The following CLASP1 variants were observed in gnomAD, a reference collection of about 807,000 sequenced individuals.
The protein encoded by CLASP1 is cytoplasmic linker associated protein 1.
CLASP1 carries 38 observed loss-of-function variants against 192.3 expected under a neutral mutation model. The ratio of observed to expected loss-of-function variants is 0.20; its 90% CI spans 0.15 to 0.26. CLASP1 has a LOEUF of 0.26. Among genes scored for constraint, CLASP1 ranks in the 10% least tolerant of loss-of-function variants. The pLI is 1.00. For missense variants in CLASP1, 1,433 were observed against 1,932.5 expected, an observed-to-expected ratio of 0.74 and a Z score of 4.85; for synonymous variants, 691 against 712.8, an observed-to-expected ratio of 0.97 and a Z score of 0.49.
chr2:121,535,877 G>A (rs1379216271), intron 2 of CLASP1, among the ~76,000 whole-genome samples: 1 of 151,874 alleles, frequency 6.6e-6, no homozygotes, highest in African/African-American at 2.4e-5. Flanking sequence ...GCCCAGGCTG[G>A]TCTTGAACTT....
At chr2:121,600,539 T>C (rs374658922) in intron 2 of CLASP1, among the ~76,000 whole-genome samples, 208 of 152,340 alleles carry the variant, frequency 1.4e-3, no homozygotes, top group Non-Finnish European at 2.0e-3. Context: ...GCAAATGTCA[T>C]TCTGGAAAAA....
chr2:121,397,591 C>T (rs1055750405), intron 29 of CLASP1, among the ~76,000 whole-genome samples: 7 of 152,106 alleles, frequency 4.6e-5, no homozygotes, highest in South Asian at 2.1e-4. Context: ...GAGAGGGGCC[C>T]GTGGGATTTC....
intron 7 of CLASP1, among the ~76,000 whole-genome samples, chr2:121,515,038 G>C (rs887146913): frequency 8.5e-5 from 13 of 152,090 alleles, no homozygotes; most frequent in Non-Finnish European, 1.8e-4. Context: ...GTAAAAGTTT[G>C]GAATTAATTT....
chr2:121,469,761 A>G (rs1415606039), intron 9 of CLASP1, 47 bp downstream of exon 9: 1 of 1,556,718 alleles, frequency 6.4e-7, no homozygotes, highest in African/African-American at 1.4e-5. Flanking sequence ...CTGGTTTGAA[A>G]AGCTGGCATA....
intron 27 of CLASP1, 53 bp from the exon 29 acceptor site, chr2:121,401,725 C>CA: frequency 6.8e-7 from 1 of 1,461,394 alleles, no homozygotes; most frequent in Middle Eastern, 2.0e-4. Flanking sequence ...CGATCTCCTC[C>CA]AAAGTCTACA....
intron 2 of CLASP1, among the ~76,000 whole-genome samples, chr2:121,561,406 C>G (rs1239535955): frequency 1.3e-5 from 2 of 152,176 alleles, no homozygotes; most frequent in East Asian, 1.9e-4. Flanking sequence ...ACTGCAGTGA[C>G]TAAAAAAGAG....
At chr2:121,415,857 ATGT>A (rs770452994) in intron 23 of CLASP1, among the ~76,000 whole-genome samples, 2 of 152,248 alleles carry the variant, frequency 1.3e-5, no homozygotes, top group Non-Finnish European at 2.9e-5. Flanking sequence ...ACTTTATGAA[ATGT>A]GCATCTCTAT....
At chr2:121,489,258 G>C (rs181731419) in intron 8 of CLASP1, among the ~76,000 whole-genome samples, 1 of 152,094 alleles carries the variant, frequency 6.6e-6, no homozygotes, top group Non-Finnish European at 1.5e-5. Context: ...CTCAATTAAA[G>C]AATACAAATA....
intron 1 of CLASP1, among the ~76,000 whole-genome samples, chr2:121,613,775 C>T (rs2066001706): frequency 6.6e-6 from 1 of 152,206 alleles, no homozygotes; most frequent in South Asian, 2.1e-4. Flanking sequence ...TTTTAGTCTA[C>T]TGTAGACTTC....
intron 8 of CLASP1, among the ~76,000 whole-genome samples, chr2:121,495,593 G>A (rs774167665): frequency 1.5e-4 from 23 of 150,342 alleles, no homozygotes; most frequent in South Asian, 1.3e-3. Context: ...CCAGGGAGGC[G>A]GAGGTTGCGG....
intron 2 of CLASP1, among the ~76,000 whole-genome samples, chr2:121,549,212 C>T (rs982357250): frequency 6.6e-5 from 10 of 152,186 alleles, no homozygotes; most frequent in African/African-American, 2.4e-4. Context: ...TGCAATGACA[C>T]CCATAGGCTC....
chr2:121,628,627 T>C (rs1200765115), intron 1 of CLASP1, among the ~76,000 whole-genome samples: 3 of 146,216 alleles, frequency 2.1e-5, no homozygotes, highest in Non-Finnish European at 3.0e-5. Context: ...ACAGTCAAGA[T>C]CACCCCACTG....
intron 2 of CLASP1, among the ~76,000 whole-genome samples, chr2:121,577,580 C>G (rs994673332): frequency 3.4e-4 from 51 of 152,112 alleles, no homozygotes; most frequent in Non-Finnish European, 2.9e-4. Context: ...ATGTATTAGG[C>G]AAGTTATTTT....
At chr2:121,444,275 T>A (rs1321225301) in intron 19 of CLASP1, among the ~76,000 whole-genome samples, 2 of 152,078 alleles carry the variant, frequency 1.3e-5, no homozygotes, top group African/African-American at 2.4e-5. Context: ...CATTACTATA[T>A]CCTCGGTGTG....
intron 2 of CLASP1, among the ~76,000 whole-genome samples, chr2:121,559,597 G>A (rs1038329259): frequency 1.3e-5 from 2 of 151,872 alleles, no homozygotes; most frequent in Non-Finnish European, 1.5e-5. Context: ...ACCACATATC[G>A]CATGATTCTA....
chr2:121,573,173 T>C (rs2060142970), intron 2 of CLASP1, among the ~76,000 whole-genome samples: 1 of 152,204 alleles, frequency 6.6e-6, no homozygotes, highest in South Asian at 2.1e-4. Flanking sequence ...TTGCCCAGGC[T>C]GGTCTTGAAC....
At chr2:121,558,129 A>G (rs2058741781) in intron 2 of CLASP1, among the ~76,000 whole-genome samples, 1 of 152,194 alleles carries the variant, frequency 6.6e-6, no homozygotes, top group African/African-American at 2.4e-5. Flanking sequence ...TTTACTTATA[A>G]ATCATACAAT....
intron 2 of CLASP1, chr2:121,531,030 TTATCA>T (rs1378849542): frequency 2.3e-5 from 16 of 700,082 alleles, no homozygotes; most frequent in Non-Finnish European, 3.9e-5. Context: ...TTTCATAGAC[TTATCA>T]GTTCAAACAG....
At chr2:121,511,224 C>T (rs1013971138) in intron 7 of CLASP1, among the ~76,000 whole-genome samples, 4 of 152,020 alleles carry the variant, frequency 2.6e-5, no homozygotes, top group African/African-American at 9.7e-5. Context: ...TATATGTTGT[C>T]CTTACCAAAA....
Sources: allele counts gnomAD v4.1 joint callset (sites outside exome capture counted in the v4.1 genomes callset), GRCh38; gene constraint gnomAD v4.1.1; transcripts MANE v1.5; gene names NCBI Gene and HGNC (gene_info 2026-07-23, HGNC 2026-07-21).